The following CAMK1D variants were observed in gnomAD, a reference collection of about 807,000 sequenced individuals.
The protein encoded by CAMK1D is calcium/calmodulin dependent protein kinase ID.
In CAMK1D, 9 loss-of-function variants were observed where a neutral mutation model predicts 47.7. The ratio of observed to expected loss-of-function variants is 0.19; its 90% confidence interval spans 0.11 to 0.33. The LOEUF is 0.33. CAMK1D is among the 10% of genes least tolerant of loss of function. CAMK1D has a pLI of 1.00. For missense variants in CAMK1D, 291 were observed against 488.7 expected, an observed-to-expected ratio of 0.60 and a Z score of 3.81; for synonymous variants, 184 against 184.9, an observed-to-expected ratio of 0.99 and a Z score of 0.04.
chr10:12,544,427 T>C (rs547167284), intron 1 of CAMK1D, among the ~76,000 whole-genome samples: 1 of 152,364 alleles, frequency 6.6e-6, no homozygotes, highest in South Asian at 2.1e-4. Context: ...ATTTTACTTA[T>C]TCAACAAGGA....
rs187079933 is a variant in CAMK1D at position 12,709,311 on chromosome 10, C to T, written c.299+42501C>T. Among the ~76,000 whole-genome samples, 607 of 151,358 alleles carry T rather than the reference C, an allele frequency of 4.0e-3. 7 individuals are homozygous for T. Among genetic ancestry groups the T allele is most frequent in the African/African-American group, 0.013 (555 of 41,342 alleles). The stretch of plus-strand genomic sequence containing the variant: ...GAGAAAATGTGAGGAGTGCTAAGGC[C>T]GTGGTTGGAGGATTTTTTTTTTTTT... On this transcript the variant is annotated intron_variant, in intron 3 of 10. Transcript: ENST00000619168.
intron 2 of CAMK1D, among the ~76,000 whole-genome samples, chr10:12,556,014 T>G (rs1836748991): frequency 6.6e-6 from 1 of 152,092 alleles, no homozygotes; most frequent in Admixed American, 6.6e-5. Context: ...TGGAATAACT[T>G]GTTTTGATAG....
intron 4 of CAMK1D, among the ~76,000 whole-genome samples, 171 bp from the exon 5 acceptor site, chr10:12,769,502 C>T (rs1176216462): frequency 2.6e-5 from 4 of 152,162 alleles, no homozygotes; most frequent in Non-Finnish European, 4.4e-5. Flanking sequence ...CACACTGTGC[C>T]GGGCGCTCTG....
intron 1 of CAMK1D, among the ~76,000 whole-genome samples, chr10:12,374,397 CG>C (rs1314733880): frequency 6.6e-6 from 1 of 152,114 alleles, no homozygotes; most frequent in Non-Finnish European, 1.5e-5. Flanking sequence ...TACCATTCCC[CG>C]TGAACTCCTA....
At chr10:12,540,315 AC>A (rs1836125561) in intron 1 of CAMK1D, among the ~76,000 whole-genome samples, 1 of 152,138 alleles carries the variant, frequency 6.6e-6, no homozygotes, top group Non-Finnish European at 1.5e-5. Flanking sequence ...TGATTGACTC[AC>A]TTTGGTTCCA....
At chr10:12,822,755 C>T (rs564477592) in intron 8 of CAMK1D, among the ~76,000 whole-genome samples, 2 of 152,344 alleles carry the variant, frequency 1.3e-5, no homozygotes, top group East Asian at 3.9e-4. Flanking sequence ...CTCCCTTGGG[C>T]TCTCCGGGGA....
In CAMK1D at chr10:12,647,958, G is replaced by A. The variant is rs144034080; in HGVS notation, c.225-18778G>A. On this transcript the variant is annotated intron_variant, in intron 2 of 10. Transcript: ENST00000619168. ...TGTGCAGGTGTGCAGATGGAGCTTG[G>A]ATCTGCAGGCCAAAGTTCTGGACAG... Among the ~76,000 whole-genome samples the A allele has an allele frequency of 6.3e-4, 96 of 152,280 alleles. 1 individual carries two copies. The highest frequency in any genetic ancestry group is 2.7e-3 in the Admixed American group (41 of 15,296).
intron 4 of CAMK1D, among the ~76,000 whole-genome samples, chr10:12,764,030 G>A (rs959796896): frequency 2.6e-5 from 4 of 152,054 alleles, no homozygotes; most frequent in African/African-American, 4.8e-5. Flanking sequence ...CTCCCCCACC[G>A]TCTTCCCTCC....
chr10:12,408,255 G>A (rs1294752444), intron 1 of CAMK1D, among the ~76,000 whole-genome samples: 4 of 151,648 alleles, frequency 2.6e-5, no homozygotes, highest in East Asian at 1.9e-4. Context: ...TCCGCCTCCC[G>A]GGCTCACGCC....
chr10:12,785,724 A>G (rs192073235), intron 5 of CAMK1D, among the ~76,000 whole-genome samples: 3 of 152,310 alleles, frequency 2.0e-5, no homozygotes, highest in African/African-American at 7.2e-5. Flanking sequence ...GTAACACAAC[A>G]CTGGCCGGTT....
chr10:12,736,010 C>T (rs1433622097), intron 3 of CAMK1D, among the ~76,000 whole-genome samples: 1 of 152,206 alleles, frequency 6.6e-6, no homozygotes. Context: ...AGACTTGGCA[C>T]TGGCTGCAAG....
chr10:12,701,673 C>G (rs1316960014), intron 3 of CAMK1D, among the ~76,000 whole-genome samples: 1 of 152,212 alleles, frequency 6.6e-6, no homozygotes, highest in African/African-American at 2.4e-5. Context: ...TCCCAGTATT[C>G]TTTTTAGGAG....
chr10:12,378,872 C>T (rs1455012756), intron 1 of CAMK1D, among the ~76,000 whole-genome samples: 4 of 146,940 alleles, frequency 2.7e-5, no homozygotes, highest in African/African-American at 5.1e-5. Context: ...TGCCGTGGTG[C>T]GCTCTCAGCT....
At chr10:12,790,883 T>A (rs1307692116) in intron 5 of CAMK1D, among the ~76,000 whole-genome samples, 3 of 151,822 alleles carry the variant, frequency 2.0e-5, no homozygotes, top group Admixed American at 6.6e-5. Context: ...GTGGTCCCAA[T>A]TACTTAGGAG....
intron 2 of CAMK1D, among the ~76,000 whole-genome samples, chr10:12,582,854 C>T (rs1479005494): frequency 6.6e-6 from 1 of 152,154 alleles, no homozygotes; most frequent in African/African-American, 2.4e-5. Flanking sequence ...ATTAAACACC[C>T]ACTGTTTACC....
At chr10:12,734,424 A>ACG (rs1835067824) in intron 3 of CAMK1D, among the ~76,000 whole-genome samples, 1 of 28,178 alleles carries the variant, frequency 3.5e-5, no homozygotes, top group Non-Finnish European at 8.5e-5. Flanking sequence ...ACACACATGT[A>ACG]TATATATATA....
intron 1 of CAMK1D, among the ~76,000 whole-genome samples, chr10:12,449,305 C>T (rs1265080953): frequency 6.6e-6 from 1 of 152,028 alleles, no homozygotes; most frequent in Admixed American, 6.6e-5. Context: ...GTGTGAAGGG[C>T]CCCGTCGTCT....
chr10:12,587,953 G>C (rs185867363), intron 2 of CAMK1D, among the ~76,000 whole-genome samples: 1 of 151,858 alleles, frequency 6.6e-6, no homozygotes, highest in East Asian at 1.9e-4. Flanking sequence ...TGCCTTTCTC[G>C]GTGATTTGGA....
At chr10:12,729,931 G>GTCCCA (rs139546889) in intron 3 of CAMK1D, among the ~76,000 whole-genome samples, 1 of 152,112 alleles carries the variant, frequency 6.6e-6, no homozygotes, top group Non-Finnish European at 1.5e-5. Flanking sequence ...AGGAGGCCTC[G>GTCCCA]TCCCATAGAG....
Sources: gnomAD v4.1 joint callset for allele counts (sites outside exome capture counted in the v4.1 genomes callset) on GRCh38, gnomAD v4.1.1 for gene constraint, MANE v1.5 for transcripts, NCBI Gene and HGNC (gene_info 2026-07-23, HGNC 2026-07-21) for gene names.